Variants in GALNT9 observed in about 807,000 individuals in gnomAD.
GALNT9 encodes the protein GalNAc transferase 9.
In GALNT9, 47 loss-of-function variants were observed where a neutral mutation model predicts 63.1. The observed-to-expected ratio is 0.75, with a 90% CI of 0.59 to 0.95. The LOEUF (loss-of-function observed/expected upper bound fraction) is 0.95. Ranked by LOEUF, GALNT9 falls within the 40% of genes least tolerant of loss-of-function variation. GALNT9 has a pLI of 0.00. For missense variants in GALNT9, 829 were observed against 874.8 expected (o/e 0.95, Z 0.66); for synonymous variants, 396 against 365.7 (o/e 1.08, Z -0.94).
intron 2 of GALNT9, among the ~76,000 whole-genome samples, chr12:132,264,138 G>A (rs983574016): frequency 1.4e-4 from 22 of 152,136 alleles, no homozygotes; most frequent in African/African-American, 4.6e-4. Context: ...CCAGAATATC[G>A]ACGGCCTTTT....
At chr12:132,307,979 T>TGAGCTA in intron 1 of GALNT9, among the ~76,000 whole-genome samples, 1 of 150,874 alleles carries the variant, frequency 6.6e-6, no homozygotes, top group South Asian at 2.1e-4. Flanking sequence ...GTGGCTGCAG[T>TGAGCTA]GAGCTATGAT....
intron 1 of GALNT9, among the ~76,000 whole-genome samples, chr12:132,320,005 C>G (rs1323455510): frequency 1.4e-4 from 22 of 152,252 alleles, no homozygotes; most frequent in Non-Finnish European, 1.5e-5. Flanking sequence ...GCCAGAACCA[C>G]TGGGCCACTG....
chr12:132,271,591 CA>C (rs1363353334), intron 2 of GALNT9, among the ~76,000 whole-genome samples: 1 of 152,162 alleles, frequency 6.6e-6, no homozygotes, highest in Non-Finnish European at 1.5e-5. Context: ...GGTCTGCCCA[CA>C]AAACACTGGC....
chr12:132,257,171 T>G (rs782713973), intron 5 of GALNT9, among the ~76,000 whole-genome samples: 1 of 152,202 alleles, frequency 6.6e-6, no homozygotes, highest in Admixed American at 6.5e-5. Context: ...CACTGATTTT[T>G]AAAATGTCAA....
At chr12:132,313,336 C>A (rs540778362) in intron 1 of GALNT9, among the ~76,000 whole-genome samples, 1 of 149,058 alleles carries the variant, frequency 6.7e-6, no homozygotes, top group East Asian at 2.1e-4. Context: ...CACCCATCCA[C>A]TCACCCATCC....
At position 132,328,954 on chromosome 12, in the gene GALNT9, GC is replaced by G. The variant is rs1223924930; in HGVS notation, c.238+11del. 2.0e-6 allele frequency: 3 copies of G among 1,509,744 alleles called. No individual in the cohort carries two copies. The African/African-American group carries it at 4.2e-5, about 21-fold the overall frequency. 93.5% of individuals were successfully genotyped at this position (1,509,744 alleles called of 1,614,324 possible). On this transcript the variant is annotated intron_variant, in intron 1 of 10. Transcript: ENST00000328957. ...AGGGCTGCCCCCACTCCGCCCCGGCGCCCCCGCTCACCGTTGAGCTGGTTGT... is the reference window on the plus strand; with the variant it reads ...AGGGCTGCCCCCACTCCGCCCCGGCGCCCCGCTCACCGTTGAGCTGGTTGT...
intron 6 of GALNT9, among the ~76,000 whole-genome samples, chr12:132,223,128 ACACACCCCACACACACACCACACAACC>A (rs1320939693): frequency 7.5e-5 from 5 of 67,070 alleles, no homozygotes; most frequent in South Asian, 6.0e-4. Context: ...GACACCCCAC[ACACACCCCACACACACACCACACAACC>A]CACACACCAC....
chr12:132,218,395 T>C (rs1272060438), intron 6 of GALNT9, among the ~76,000 whole-genome samples: 1 of 152,172 alleles, frequency 6.6e-6, no homozygotes, highest in East Asian at 1.9e-4. Flanking sequence ...GTCAGCACTT[T>C]CCCTTTGGCA....
chr12:132,279,314 G>A lies in GALNT9; in HGVS notation c.419+6936C>T, dbSNP rs782385317. ...CACTATGGGCCAATGAAAGTCGCCT[G>A]AGACTTTTGCTTGCATGGTTGCTGG... On this transcript the variant is annotated intron_variant, in intron 2 of 10. Transcript: ENST00000328957. The surrounding 1 kb of genome is among the most constrained non-coding windows in gnomAD (Gnocchi z 4.1). 6.6e-6 allele frequency: 1 copy of A among 152,306 alleles called. No homozygotes were observed. Among genetic ancestry groups the A allele is most frequent in the Non-Finnish European group, 1.5e-5 (1 of 68,088 alleles). 9.4% of individuals were successfully genotyped at this position (152,306 alleles called of 1,614,324 possible). A position where few individuals can be genotyped will look rare whatever the true frequency, so the allele number is the denominator to read the frequency against.
In GALNT9 at chr12:132,236,962, C is replaced by T. The variant is rs2136895088; in HGVS notation, c.1077+10948G>A. 1.2e-4 allele frequency among the ~76,000 whole-genome samples: 18 copies of T among 152,310 alleles called. No homozygotes were observed. The highest frequency in any genetic ancestry group is 1.1e-3 in the Admixed American group (17 of 15,306). Reference sequence around the variant, plus strand: ...GCCCCACAGCTGTTCTTATCCTCATCCAATCTGGTAACCCTCGTATCCTGG... The same window carrying T: ...GCCCCACAGCTGTTCTTATCCTCATTCAATCTGGTAACCCTCGTATCCTGG... On this transcript the variant is annotated intron_variant, in intron 6 of 10. Transcript: ENST00000328957. The surrounding 1 kb of genome is among the most constrained non-coding windows in gnomAD (Gnocchi z 5.6).
chr12:132,309,333 C>T (rs1400497196), intron 1 of GALNT9, among the ~76,000 whole-genome samples: 1 of 152,188 alleles, frequency 6.6e-6, no homozygotes, highest in Non-Finnish European at 1.5e-5. Context: ...GCCCGTGGAC[C>T]TCACGCAGCC....
chr12:132,209,306 C>T (rs1349796309), intron 6 of GALNT9, among the ~76,000 whole-genome samples: 1 of 151,918 alleles, frequency 6.6e-6, no homozygotes, highest in East Asian at 1.9e-4. Context: ...GTGGGTGGAT[C>T]ATGAAGTCAA....
chr12:132,218,537 C>T (rs1178588201), intron 6 of GALNT9, among the ~76,000 whole-genome samples: 2 of 152,246 alleles, frequency 1.3e-5, no homozygotes, highest in Admixed American at 1.3e-4. Flanking sequence ...CGTGTCCCTG[C>T]CCCTGGAGCC....
At chr12:132,230,854 C>T (rs1381035964) in intron 6 of GALNT9, among the ~76,000 whole-genome samples, 1 of 152,216 alleles carries the variant, frequency 6.6e-6, no homozygotes, top group East Asian at 1.9e-4. Context: ...TACAGGCAGA[C>T]CACACCGCAG....
intron 1 of GALNT9, among the ~76,000 whole-genome samples, chr12:132,318,379 A>G (rs1272367682): frequency 6.6e-6 from 1 of 152,098 alleles, no homozygotes; most frequent in East Asian, 1.9e-4. Flanking sequence ...ACCCACATGG[A>G]TGCCTCTCTT....
At chr12:132,314,060 T>C (rs1197458941) in intron 1 of GALNT9, among the ~76,000 whole-genome samples, 1 of 44,000 alleles carries the variant, frequency 2.3e-5, no homozygotes, top group Admixed American at 2.8e-4. Context: ...CATCCACCCA[T>C]CCATCCACCC....
chr12:132,284,613 A>G (rs782409190), intron 2 of GALNT9: 1 of 152,266 alleles, frequency 6.6e-6, no homozygotes, highest in African/African-American at 2.4e-5. Context: ...CACACTCTGG[A>G]TGTGGCTGAG....
intron 1 of GALNT9, among the ~76,000 whole-genome samples, chr12:132,288,910 C>T (rs1241025432): frequency 2.0e-5 from 3 of 152,076 alleles, no homozygotes; most frequent in South Asian, 2.1e-4. Flanking sequence ...TGATGCCCAG[C>T]GTTGGACCCG....
intron 6 of GALNT9, among the ~76,000 whole-genome samples, chr12:132,228,890 G>A (rs1466116480): frequency 3.3e-5 from 5 of 152,204 alleles, no homozygotes; most frequent in African/African-American, 1.2e-4. Context: ...ATTAGAAGAT[G>A]AGCAGCTGGC....
Sources: gnomAD v4.1 joint callset for allele counts (sites outside exome capture counted in the v4.1 genomes callset) on GRCh38, gnomAD v4.1.1 for gene constraint, Gnocchi (gnomAD v3.1) non-coding constraint, MANE v1.5 for transcripts, NCBI Gene and HGNC (gene_info 2026-07-23, HGNC 2026-07-21) for gene names.